The following ZNF605 variants were observed in gnomAD, a reference collection of about 807,000 sequenced individuals.
ZNF605 encodes the protein zinc finger protein 605.
ZNF605 carries 9 observed loss-of-function variants against 7.9 expected under a neutral mutation model. The ratio of observed to expected loss-of-function variants is 1.14; its 90% CI spans 0.68 to 1.98. ZNF605 has a LOEUF of 1.98. ZNF605 is among the 30% of genes most tolerant of loss of function. The pLI, the probability that ZNF605 is intolerant of heterozygous loss-of-function variation, is 0.00. For synonymous variants in ZNF605, 255 were observed against 260.1 expected (o/e 0.98, Z 0.19); for missense variants, 673 against 762.4 (o/e 0.88, Z 1.38).
Position 132,926,900 on chromosome 12 carries a change from A to G in ZNF605, c.399T>C (p.Pro133=). 6.2e-7 allele frequency: 1 copy of G among 1,614,076 alleles called. No individual in the cohort carries two copies. The highest frequency in any genetic ancestry group is 2.2e-5 in the East Asian group (1 of 44,890). Residue 133 remains proline, a synonymous_variant, in exon 5 of 5, where the codon CCT becomes CCC. Transcript: ENST00000360187. ...LNKKLLFCIK[P]GRTHGGIKYC... ...ATTTTATCCCACCATGGGTTCTGCCAGGTTTGATACAGAACAATAATTTCT... is the reference window on the plus strand; with the variant it reads ...ATTTTATCCCACCATGGGTTCTGCCGGGTTTGATACAGAACAATAATTTCT...
In ZNF605 at chr12:132,941,651, C is replaced by A. The variant is rs1952442463; in HGVS notation, c.15+3970G>T. On this transcript the variant is annotated intron_variant, in intron 3 of 4. Coordinates refer to ENST00000360187, the MANE Select transcript of ZNF605 (RefSeq NM_183238.4). The surrounding 1 kb of genome is among the most constrained non-coding windows in gnomAD (Gnocchi z 5.1). ...TGGCTGCTGGGAGGGGACGAGATAACCGCAGCCTGGACTACGCAGCTCAGG... is the reference window on the plus strand; with the variant it reads ...TGGCTGCTGGGAGGGGACGAGATAAACGCAGCCTGGACTACGCAGCTCAGG... Among the ~76,000 whole-genome samples the A allele has an allele frequency of 6.6e-6, 1 of 152,228 alleles. No homozygotes were observed. Among genetic ancestry groups the A allele is most frequent in the Non-Finnish European group, 1.5e-5 (1 of 68,034 alleles).
At chr12:132,936,519 G>A (rs952811591) in intron 3 of ZNF605, among the ~76,000 whole-genome samples, 5 of 152,180 alleles carry the variant, frequency 3.3e-5, no homozygotes, top group Non-Finnish European at 7.3e-5. Flanking sequence ...AGGCAGGATG[G>A]CATTTGTGAA....
At chr12:132,955,850 G>A (rs1165268538) in intron 1 of ZNF605, among the ~76,000 whole-genome samples, 1 of 151,816 alleles carries the variant, frequency 6.6e-6, no homozygotes, top group African/African-American at 2.4e-5. Flanking sequence ...TCTCCCCTGG[G>A]GCCAAGGGCA....
At chr12:132,928,503 G>A (rs1035272640) in intron 4 of ZNF605, among the ~76,000 whole-genome samples, 30 of 152,078 alleles carry the variant, frequency 2.0e-4, no homozygotes, top group Middle Eastern at 3.4e-3. Context: ...TGCTATCACT[G>A]GAAATTACTC....
chr12:132,944,337 G>A (rs1952476786), intron 3 of ZNF605, among the ~76,000 whole-genome samples: 1 of 152,140 alleles, frequency 6.6e-6, no homozygotes, highest in Non-Finnish European at 1.5e-5. Context: ...GAAAGGAAAG[G>A]CAGGGAAAGG....
Position 132,926,886 on chromosome 12 carries a change from C to T in ZNF605, c.413G>A (p.Gly138Asp). ...LFCIKPGRTHGGIKYCDCSTC... is the reference protein window; with the variant it reads ...LFCIKPGRTHDGIKYCDCSTC... ...ACTGCAATCACAGTATTTTATCCCACCATGGGTTCTGCCAGGTTTGATACA... is the reference window on the plus strand; with the variant it reads ...ACTGCAATCACAGTATTTTATCCCATCATGGGTTCTGCCAGGTTTGATACA... The change falls in exon 5 of 5, where the codon GGT (glycine) becomes GAT (aspartate). Residue 138 changes from glycine to aspartate, a missense_variant. Gly to Asp is a moderately conservative substitution (Grantham distance 94). Coordinates refer to ENST00000360187, the MANE Select transcript of ZNF605 (RefSeq NM_183238.4). 6.2e-7 allele frequency: 1 copy of T among 1,614,142 alleles called. No homozygotes were observed. The highest frequency in any genetic ancestry group is 8.5e-7 in the Non-Finnish European group (1 of 1,180,032).
chr12:132,936,864 G>T (rs1186056441), intron 3 of ZNF605, among the ~76,000 whole-genome samples: 1 of 152,078 alleles, frequency 6.6e-6, no homozygotes. Flanking sequence ...TTGATAAATT[G>T]GACTTTTTCA....
intron 2 of ZNF605, 47 bp from the exon 3 acceptor site, chr12:132,945,844 G>T (rs1024584909): frequency 6.7e-5 from 47 of 702,484 alleles, no homozygotes; most frequent in Admixed American, 1.9e-4. Flanking sequence ...AATTAATTTG[G>T]GAACCTAAAT....
At chr12:132,939,062 C>T (rs1952401973) in intron 3 of ZNF605, among the ~76,000 whole-genome samples, 1 of 151,476 alleles carries the variant, frequency 6.6e-6, no homozygotes, top group Admixed American at 6.6e-5. Flanking sequence ...CCATGCGGCC[C>T]CAGCCTCCCT....
chr12:132,945,049 G>T, intron 3 of ZNF605: 1 of 265,046 alleles, frequency 3.8e-6, no homozygotes, highest in Non-Finnish European at 7.3e-6. Flanking sequence ...GTGCACTGAT[G>T]CGATCTCAGC....
chr12:132,947,484 T>G (rs958316325), intron 2 of ZNF605, among the ~76,000 whole-genome samples: 1 of 152,150 alleles, frequency 6.6e-6, no homozygotes, highest in East Asian at 1.9e-4. Flanking sequence ...AGCTAATTTT[T>G]GTATTTTTTG....
chr12:132,939,246 A>G (rs1251878154), intron 3 of ZNF605, among the ~76,000 whole-genome samples: 32 of 152,198 alleles, frequency 2.1e-4, no homozygotes, highest in Admixed American at 1.6e-3. Flanking sequence ...GAGAGTCTTT[A>G]TATCTAGCTC....
intron 2 of ZNF605, among the ~76,000 whole-genome samples, chr12:132,947,477 T>C (rs1952506196): frequency 6.6e-6 from 1 of 152,020 alleles, no homozygotes. Flanking sequence ...CATCCCCAGC[T>C]AATTTTTGTA....
chr12:132,925,591 A>G lies in ZNF605; in HGVS notation c.1708T>C (p.Phe570Leu), dbSNP rs777236026. 1 of 1,614,128 alleles carries G rather than the reference A, an allele frequency of 6.2e-7. No homozygotes were observed. The highest frequency in any genetic ancestry group is 2.2e-5 in the East Asian group (1 of 44,890). ...ATAATCAGCTGTGCCTTCTCAAAGA[A>G]AGCTTTTGCACAATCGCTGCATCCA... ...TYGCSDCAKA[F>L]FEKAQLIIHQ... The change falls in exon 5 of 5, where the codon TTC becomes CTC. Residue 570 changes from phenylalanine to leucine, a missense_variant. Physicochemically the swap from Phe to Leu is conservative, Grantham distance 22 (BLOSUM62 0). Coordinates refer to ENST00000360187, the MANE Select transcript of ZNF605 (RefSeq NM_183238.4).
At chr12:132,948,325 G>A (rs1455417482) in intron 1 of ZNF605, 55 bp from the exon 2 acceptor site, 1 of 152,230 alleles carries the variant, frequency 6.6e-6, no homozygotes, top group South Asian at 2.1e-4. Flanking sequence ...CAAGAGGGAC[G>A]GAAATTCTAC....
chr12:132,925,879 C>T lies in ZNF605; in HGVS notation c.1420G>A (p.Glu474Lys), dbSNP rs759348156. The T allele has an allele frequency of 2.5e-6, 4 of 1,614,048 alleles. No homozygotes were observed. The highest frequency in any genetic ancestry group is 3.4e-6 in the Non-Finnish European group (4 of 1,180,030). ...CATTCACTGCATTCATAGGGTTTCT[C>T]ACCTGTATGTGTTCTCTGATGTGAT... ...LISHQRTHTG[E>K]KPYECSECRK... The change falls in exon 5 of 5, where the codon GAG (glutamate) becomes AAG (lysine). Residue 474 changes from glutamate to lysine, a missense_variant. By Grantham distance (56) the Glu-to-Lys change is moderately conservative. Coordinates refer to ENST00000360187, the MANE Select transcript of ZNF605 (RefSeq NM_183238.4).
intron 1 of ZNF605, among the ~76,000 whole-genome samples, chr12:132,953,525 C>A (rs1166010497): frequency 6.6e-6 from 1 of 152,190 alleles, no homozygotes; most frequent in East Asian, 1.9e-4. Flanking sequence ...CTCCTGGGTT[C>A]AAGCAATTCT....
rs2137156063 is a variant in ZNF605 at position 132,945,815 on chromosome 12, A to G, written c.-162-18T>C. ...GCTATTGCCTGTGGATGCAGTGGACATTTTATTTTAGATGATCTAATTAAT... is the reference window on the plus strand; with the variant it reads ...GCTATTGCCTGTGGATGCAGTGGACGTTTTATTTTAGATGATCTAATTAAT... On this transcript the variant is annotated intron_variant, in intron 2 of 4. Transcript: ENST00000360187. 2.5e-6 allele frequency: 2 copies of G among 815,376 alleles called. No homozygotes were observed. Among genetic ancestry groups the G allele is most frequent in the Middle Eastern group, 2.4e-4 (1 of 4,250 alleles). The allele number at this position is 815,376 out of a possible 1,614,324, so 50.5% of individuals were successfully genotyped here. A position where few individuals can be genotyped will look rare whatever the true frequency, so the allele number is the denominator to read the frequency against.
At chr12:132,929,216 T>C (rs1952280739) in intron 4 of ZNF605, among the ~76,000 whole-genome samples, 1 of 151,500 alleles carries the variant, frequency 6.6e-6, no homozygotes, top group South Asian at 2.1e-4. Context: ...AAGACCAGCC[T>C]GGCCAACATG....
Sources: gnomAD v4.1 joint callset for allele counts (sites outside exome capture counted in the v4.1 genomes callset) on GRCh38, gnomAD v4.1.1 for gene constraint, Gnocchi (gnomAD v3.1) non-coding constraint, MANE v1.5 for transcripts, NCBI Gene and HGNC (gene_info 2026-07-23, HGNC 2026-07-21) for gene names.